The following WDR41 variants were observed in gnomAD, a reference collection of about 807,000 sequenced individuals.
WDR41 encodes the protein WD repeat-containing protein 41.
WDR41 carries 63 observed loss-of-function variants against 69.3 expected under a neutral mutation model. The observed-to-expected ratio is 0.91, with a 90% CI of 0.74 to 1.12. WDR41 has a LOEUF of 1.12. Among genes scored for constraint, WDR41 ranks in the 50% most tolerant of loss-of-function variants. The probability of loss-of-function intolerance (pLI) is 0.00; values close to 1 mark genes in which losing one functional copy is unlikely to be tolerated. For missense variants in WDR41, 543 were observed against 534.5 expected (o/e 1.02, Z -0.16); for synonymous variants, 185 against 192.1 (o/e 0.96, Z 0.31).
chr5:77,522,100 G>T (rs1232180785), intron 1 of WDR41, among the ~76,000 whole-genome samples: 1 of 152,214 alleles, frequency 6.6e-6, no homozygotes, highest in Non-Finnish European at 1.5e-5. Flanking sequence ...CAGAGGTGAA[G>T]TTAGGAAGGG....
rs911357664 is a variant in WDR41, at chr5:77,484,573, T to G, written c.167+4884A>C. Reference sequence around the variant, plus strand: ...AATTTGTGATAAAAAGGATTCTGGTTATACCCTTTTTTCCAGGCATAAGTA... The same window carrying G: ...AATTTGTGATAAAAAGGATTCTGGTGATACCCTTTTTTCCAGGCATAAGTA... On this transcript the variant is annotated intron_variant, in intron 2 of 12. Coordinates refer to ENST00000296679, the MANE Select transcript of WDR41 (RefSeq NM_018268.4). Among the ~76,000 whole-genome samples, 2 of 152,336 alleles carry G rather than the reference T, an allele frequency of 1.3e-5. 1 individual carries two copies. The highest frequency in any genetic ancestry group is 4.1e-4 in the South Asian group (2 of 4,826).
intron 2 of WDR41, among the ~76,000 whole-genome samples, chr5:77,471,753 A>C (rs7719865): frequency 6.6e-6 from 1 of 151,686 alleles, no homozygotes; most frequent in Admixed American, 6.6e-5. Flanking sequence ...TGAATAGACC[A>C]ATAACAGGAT....
chr5:77,574,086 C>A (rs960457337), intron 1 of WDR41, among the ~76,000 whole-genome samples: 1 of 152,008 alleles, frequency 6.6e-6, no homozygotes, highest in South Asian at 2.1e-4. Flanking sequence ...TCACCTGAGG[C>A]CAGGAGTTCC....
At position 77,451,341 on chromosome 5, in the gene WDR41, A is replaced by G. The variant is rs1313520552; in HGVS notation, c.536T>C (p.Leu179Ser). ...AACACAGTTCTTAGGTATTTCAACC[A>G]AAGCACTAATACCTCCAAAAACATA... ...SHLSDTGISA[L>S]VEIPKNCVVA... Residue 179 changes from leucine (L) to serine (S), a missense_variant, in exon 7 of 13, where the codon TTG becomes TCG. Leu to Ser is a moderately radical substitution (Grantham distance 145). Coordinates refer to ENST00000296679, the MANE Select transcript of WDR41 (RefSeq NM_018268.4). 6.2e-7 allele frequency: 1 copy of G among 1,613,546 alleles called. No homozygotes were observed. Among genetic ancestry groups the G allele is most frequent in the Non-Finnish European group, 8.5e-7 (1 of 1,179,698 alleles).
At chr5:77,582,547 C>A (rs1743958345) in intron 1 of WDR41, 1 of 1,599,172 alleles carries the variant, frequency 6.3e-7, no homozygotes, top group African/African-American at 1.3e-5. Context: ...AAAGCACTAT[C>A]ACAAGGAATA....
chr5:77,451,257 CA>C (rs1799616094), intron 7 of WDR41, 33 bp downstream of exon 7: 1 of 1,606,442 alleles, frequency 6.2e-7, no homozygotes, highest in African/African-American at 1.3e-5. Context: ...AATTCTCGTT[CA>C]AAATACACAA....
intron 1 of WDR41, among the ~76,000 whole-genome samples, chr5:77,591,753 A>T (rs1744141695): frequency 6.6e-6 from 1 of 152,134 alleles, no homozygotes; most frequent in Non-Finnish European, 1.5e-5. Flanking sequence ...CGGTCAGAAA[A>T]CACTTTGTAA....
intron 1 of WDR41, among the ~76,000 whole-genome samples, chr5:77,509,945 G>A (rs528353794): frequency 6.6e-6 from 1 of 152,250 alleles, no homozygotes; most frequent in South Asian, 2.1e-4. Context: ...CAGTATATGA[G>A]AGTAACTCTT....
intron 2 of WDR41, among the ~76,000 whole-genome samples, chr5:77,483,301 CTAAT>C (rs2112080563): frequency 6.6e-6 from 1 of 152,060 alleles, no homozygotes; most frequent in East Asian, 1.9e-4. Flanking sequence ...CCACACCCAG[CTAAT>C]TTTTGTATTT....
chr5:77,529,284 C>T (rs1380100657), intron 1 of WDR41, among the ~76,000 whole-genome samples: 1 of 151,130 alleles, frequency 6.6e-6, no homozygotes, highest in Non-Finnish European at 1.5e-5. Flanking sequence ...TTATAAAGAA[C>T]ATCAAAAAAA....
intron 1 of WDR41, among the ~76,000 whole-genome samples, chr5:77,555,345 G>T (rs569545619): frequency 2.6e-5 from 4 of 152,134 alleles, no homozygotes; most frequent in Non-Finnish European, 5.9e-5. Flanking sequence ...GTATCACTTT[G>T]TCACACAGGC....
At chr5:77,471,127 CA>C in intron 2 of WDR41, among the ~76,000 whole-genome samples, 1 of 152,302 alleles carries the variant, frequency 6.6e-6, no homozygotes, top group East Asian at 1.9e-4. Flanking sequence ...GAAACTCACT[CA>C]AAACCGTTCA....
chr5:77,550,814 C>T (rs528544039), intron 1 of WDR41, among the ~76,000 whole-genome samples: 1 of 152,162 alleles, frequency 6.6e-6, no homozygotes, highest in East Asian at 1.9e-4. Flanking sequence ...CTCATAATAG[C>T]AAAGACATGG....
chr5:77,440,794 T>TA lies in WDR41; in HGVS notation c.882+18dup, dbSNP rs780203942. 4 of 1,611,832 alleles carry TA rather than the reference T, an allele frequency of 2.5e-6. No individual in the cohort carries two copies. The highest frequency in any genetic ancestry group is 3.4e-6 in the Non-Finnish European group (4 of 1,178,342). On this transcript the variant is annotated intron_variant, in intron 9 of 12. Coordinates refer to ENST00000296679, the MANE Select transcript of WDR41 (RefSeq NM_018268.4). Reference sequence around the variant, plus strand: ...TATATGTCAAAGGCAAGTTTATAGATAGTGTATACATTTTTTACCTCTTCA... The same window carrying TA: ...TATATGTCAAAGGCAAGTTTATAGATAAGTGTATACATTTTTTACCTCTTCA...
At chr5:77,613,114 A>C (rs1744597429) in intron 1 of WDR41, among the ~76,000 whole-genome samples, 1 of 151,886 alleles carries the variant, frequency 6.6e-6, no homozygotes, top group South Asian at 2.1e-4. Flanking sequence ...TTCAAGGAGA[A>C]CTACAAACCA....
At chr5:77,601,725 CAG>C (rs1384850476) in intron 1 of WDR41, among the ~76,000 whole-genome samples, 6 of 152,192 alleles carry the variant, frequency 3.9e-5, no homozygotes, top group African/African-American at 7.2e-5. Flanking sequence ...GTGCCTCCCT[CAG>C]AGACACAGAA....
chr5:77,472,113 T>C (rs141070866), intron 2 of WDR41, among the ~76,000 whole-genome samples: 15,690 of 152,142 alleles, frequency 0.1, 984 homozygotes, highest in Middle Eastern at 0.2. Context: ...GCAAGGCTGG[T>C]TCAATATACG....
chr5:77,494,977 T>C (rs1032899194), upstream of WDR41, among the ~76,000 whole-genome samples: 1 of 152,022 alleles, frequency 6.6e-6, no homozygotes, highest in Non-Finnish European at 1.5e-5. Flanking sequence ...CAGGAATCAG[T>C]GACAGAAGTA....
intron 1 of WDR41, among the ~76,000 whole-genome samples, 161 bp from the exon 2 acceptor site, chr5:77,489,733 C>CT (rs1401518671): frequency 2.0e-5 from 3 of 152,140 alleles, no homozygotes; most frequent in Non-Finnish European, 4.4e-5. Context: ...ATTATTTCTT[C>CT]TTTTATCAAC....
Sources: allele counts gnomAD v4.1 joint callset (sites outside exome capture counted in the v4.1 genomes callset), GRCh38; gene constraint gnomAD v4.1.1; transcripts MANE v1.5; gene names NCBI Gene and HGNC (gene_info 2026-07-23, HGNC 2026-07-21).